MLXIP: variants seen among roughly 807,000 people sequenced by gnomAD.
MLXIP encodes MLX interacting protein, also known as MLX-interacting protein.
In MLXIP, 30 loss-of-function variants were observed where a neutral mutation model predicts 87.2. That is an observed-to-expected ratio of 0.34 (90% CI 0.26 to 0.47). The LOEUF (loss-of-function observed/expected upper bound fraction) is 0.47. Among genes scored for constraint, MLXIP ranks in the 20% least tolerant of loss-of-function variants. The pLI is 1.00. For missense variants in MLXIP, 1,002 were observed against 1,240.1 expected, an observed-to-expected ratio of 0.81 and a Z score of 2.88; for synonymous variants, 530 against 514.0, an observed-to-expected ratio of 1.03 and a Z score of -0.42.
Position 122,137,508 on chromosome 12 carries a change from C to T in MLXIP, c.2072C>T (p.Ala691Val). Reference sequence around the variant, plus strand: ...AACTCAGGGCAGGCCTCTCCGTGTGCATCGGAGCAGAGCCCCAGTCCTCAA... The same window carrying T: ...AACTCAGGGCAGGCCTCTCCGTGTGTATCGGAGCAGAGCCCCAGTCCTCAA... ...CPNSGQASPC[A>V]SEQSPSPQSP... Residue 691 changes from alanine (A) to valine (V), a missense_variant, in exon 12 of 17, where the codon GCA (alanine) becomes GTA (valine). This residue lies in a region of MLXIP where 746 missense variants were observed against 897.0 expected (regional missense o/e 0.83). Transcript: ENST00000319080. This position sits in a 1 kb window ranked among gnomAD's most constrained non-coding sequence, Gnocchi z 4.1. 1 of 1,614,008 alleles carries T rather than the reference C, an allele frequency of 6.2e-7. No individual in the cohort carries two copies. Among genetic ancestry groups the T allele is most frequent in the Non-Finnish European group, 8.5e-7 (1 of 1,179,880 alleles).
At chr12:122,090,440 T>A (rs532906376) in intron 1 of MLXIP, among the ~76,000 whole-genome samples, 1 of 151,154 alleles carries the variant, frequency 6.6e-6, no homozygotes, top group Non-Finnish European at 1.5e-5. Flanking sequence ...GAGGTTACAG[T>A]GAGCCAAGAT....
intron 1 of MLXIP, among the ~76,000 whole-genome samples, chr12:122,083,623 AG>A (rs1335293993): frequency 1.3e-5 from 2 of 152,182 alleles, no homozygotes; most frequent in African/African-American, 4.8e-5. Flanking sequence ...CATGTTGGTC[AG>A]GCTGGTCTCG....
chr12:122,090,793 A>G (rs571740817), intron 1 of MLXIP, among the ~76,000 whole-genome samples: 1 of 152,318 alleles, frequency 6.6e-6, no homozygotes, highest in East Asian at 1.9e-4. Flanking sequence ...AACTTTTGCA[A>G]TGAAGTACTG....
In MLXIP at chr12:122,138,223, G is replaced by A. The variant is rs758636953; in HGVS notation, c.2184G>A (p.Glu728=). 1.1e-5 allele frequency: 18 copies of A among 1,610,184 alleles called. No homozygotes were observed. Among genetic ancestry groups the A allele is most frequent in the Non-Finnish European group, 1.0e-5 (12 of 1,178,376 alleles). ...GGCAGATGAAGCACATCTCAGCTGA[G>A]CAGAAAAGGCGCTTCAACATCAAGA... ...KNRQMKHISA[E]QKRRFNIKMC... is the part of the protein sequence containing the mutation. Residue 728 remains glutamate (E), a synonymous_variant, in exon 13 of 17, where the codon GAG becomes GAA. Coordinates refer to ENST00000319080, the MANE Select transcript of MLXIP (RefSeq NM_014938.6).
At chr12:122,113,681 CTTTTTTTTTTT>C (rs1173711241) in intron 1 of MLXIP, among the ~76,000 whole-genome samples, 1 of 100,702 alleles carries the variant, frequency 9.9e-6, no homozygotes, top group Non-Finnish European at 1.8e-5. Context: ...GCCTTCATTT[CTTTTTTTTTTT>C]TTTTTTTTTT....
intron 1 of MLXIP, among the ~76,000 whole-genome samples, chr12:122,088,564 C>T (rs1276971311): frequency 6.6e-6 from 1 of 152,114 alleles, no homozygotes; most frequent in Non-Finnish European, 1.5e-5. Context: ...AGAAAAAGCT[C>T]CTACAAGAAG....
In MLXIP at chr12:122,142,119, T is replaced by C. The variant is rs1953218038; in HGVS notation, c.*307T>C. On this transcript the variant is annotated 3_prime_UTR_variant, in exon 17 of 17. Coordinates refer to ENST00000319080, the MANE Select transcript of MLXIP (RefSeq NM_014938.6). Reference sequence around the variant, plus strand: ...AGTGCTGGCCGTGCTGGTCCTGCCCTGCTGGTGGCCTGCCGGGCCTGGCGC... The same window carrying C: ...AGTGCTGGCCGTGCTGGTCCTGCCCCGCTGGTGGCCTGCCGGGCCTGGCGC... 1 of 701,908 alleles carries C rather than the reference T, an allele frequency of 1.4e-6. No individual in the cohort carries two copies. The highest frequency in any genetic ancestry group is 2.6e-6 in the Non-Finnish European group (1 of 385,550). The allele number at this position is 701,908 out of a possible 1,614,324, so 43.5% of individuals were successfully genotyped here.
chr12:122,093,539 TG>T (rs1205412456), intron 1 of MLXIP, among the ~76,000 whole-genome samples: 24 of 123,834 alleles, frequency 1.9e-4, no homozygotes, highest in Admixed American at 3.0e-4. Context: ...TGTGTTGGTT[TG>T]GGGGGTGTGT....
At chr12:122,093,287 CTG>C (rs1421747977) in intron 1 of MLXIP, among the ~76,000 whole-genome samples, 2 of 124,392 alleles carry the variant, frequency 1.6e-5, no homozygotes, top group Non-Finnish European at 3.3e-5. Context: ...TTTGTGCTGT[CTG>C]TATGTAGTGT....
At chr12:122,119,531 A>G (rs1207360433) in intron 1 of MLXIP, among the ~76,000 whole-genome samples, 2 of 152,132 alleles carry the variant, frequency 1.3e-5, no homozygotes. Flanking sequence ...AGCTGGGACT[A>G]CAGGCACCTG....
intron 1 of MLXIP, among the ~76,000 whole-genome samples, chr12:122,112,826 T>A (rs1007949680): frequency 2.0e-5 from 3 of 152,192 alleles, no homozygotes; most frequent in Non-Finnish European, 4.4e-5. Flanking sequence ...CCCTGTACAT[T>A]CATTCCACCA....
intron 16 of MLXIP, 87 bp downstream of exon 16, chr12:122,141,170 C>G (rs1416915253): frequency 8.1e-6 from 12 of 1,477,144 alleles, no homozygotes; most frequent in Admixed American, 2.2e-5. Flanking sequence ...TAGCCAGACT[C>G]CACTGCAGGC....
rs1249423711 is a variant in MLXIP at position 122,130,127 on chromosome 12, G to A, written c.910+15G>A. On this transcript the variant is annotated intron_variant, in intron 6 of 16. Transcript: ENST00000319080. The stretch of plus-strand genomic sequence containing the variant: ...CCGGGAAATAGGTAACCCAAACCAG[G>A]GCCTTGGGCTTTGAACAGCCAGCCG... 1 of 1,608,592 alleles carries A rather than the reference G, an allele frequency of 6.2e-7. No homozygotes were observed. The highest frequency in any genetic ancestry group is 1.3e-5 in the African/African-American group (1 of 74,914).
At chr12:122,141,659 ACT>A in intron 16 of MLXIP, 30 bp from the exon 17 acceptor site, 1 of 1,610,188 alleles carries the variant, frequency 6.2e-7, no homozygotes, top group Non-Finnish European at 8.5e-7. Flanking sequence ...GGTCTGTGTC[ACT>A]GCCTGTGTCT....
At chr12:122,098,455 G>T (rs1050973059) in intron 1 of MLXIP, among the ~76,000 whole-genome samples, 8 of 152,308 alleles carry the variant, frequency 5.3e-5, no homozygotes, top group African/African-American at 1.9e-4. Flanking sequence ...TTCTTTGTTG[G>T]CTGGGATCAC....
intron 1 of MLXIP, among the ~76,000 whole-genome samples, chr12:122,107,770 G>A (rs1029557320): frequency 4.6e-5 from 7 of 152,118 alleles, no homozygotes; most frequent in African/African-American, 1.7e-4. Context: ...GGTTAGAAAA[G>A]TGTCTTTTCC....
At chr12:122,110,539 G>A (rs1025154428) in intron 1 of MLXIP, among the ~76,000 whole-genome samples, 1 of 151,780 alleles carries the variant, frequency 6.6e-6, no homozygotes, top group African/African-American at 2.4e-5. Flanking sequence ...CACCCGCTTC[G>A]GCCTCCTAAA....
chr12:122,078,791 C>T lies in MLXIP; in HGVS notation c.-63C>T, dbSNP rs1466214910. On this transcript the variant is annotated 5_prime_UTR_variant, in exon 1 of 17. Transcript: ENST00000319080. ...CGGGCCGGGCCGGGCCGGCGCCCCT[C>T]TGCCTCGCGCGCTTGTCGCGTTGCC... is the stretch of plus-strand genomic sequence containing the variant. 3.9e-6 allele frequency: 4 copies of T among 1,027,378 alleles called. No homozygotes were observed. In the East Asian group the frequency reaches 2.6e-4, roughly 67 times the overall value. 63.6% of individuals were successfully genotyped at this position (1,027,378 alleles called of 1,614,324 possible).
intron 1 of MLXIP, among the ~76,000 whole-genome samples, chr12:122,100,700 A>AT (rs1268742543): frequency 1.3e-4 from 20 of 152,178 alleles, no homozygotes; most frequent in African/African-American, 4.6e-4. Context: ...GGTGTCTCCC[A>AT]TTTTCTATTG....
Sources: allele counts gnomAD v4.1 joint callset (sites outside exome capture counted in the v4.1 genomes callset), GRCh38; gene constraint gnomAD v4.1.1; regional missense constraint gnomAD v4.1.1; non-coding constraint Gnocchi (gnomAD v3.1); transcripts MANE v1.5; gene names NCBI Gene and HGNC (gene_info 2026-07-23, HGNC 2026-07-21).